CSMD2: variants seen among roughly 807,000 people sequenced by gnomAD.
CSMD2 encodes the protein CUB and Sushi multiple domains 2.
CSMD2 carries 130 observed loss-of-function variants against 398.5 expected under a neutral mutation model. That is an observed-to-expected ratio of 0.33 (90% confidence interval 0.28 to 0.38). CSMD2 has a LOEUF of 0.38. Ranked by LOEUF, CSMD2 falls within the 10% of genes least tolerant of loss-of-function variation. The pLI is 1.00. For missense variants in CSMD2, 3,829 were observed against 4,764.9 expected (o/e 0.80, Z 5.78); for synonymous variants, 1,828 against 1,908.5 (o/e 0.96, Z 1.10).
chr1:34,095,518 C>T (rs1239362321), intron 1 of CSMD2, among the ~76,000 whole-genome samples: 1 of 151,408 alleles, frequency 6.6e-6, no homozygotes, highest in Non-Finnish European at 1.5e-5. Flanking sequence ...GCTAGCAAGA[C>T]TAATAAAGAA....
chr1:33,872,210 G>GATGTCCAAGCAAAGTGT (rs1205742775), intron 5 of CSMD2, among the ~76,000 whole-genome samples: 4 of 152,158 alleles, frequency 2.6e-5, no homozygotes, highest in African/African-American at 9.7e-5. Context: ...TAGCTATGGA[G>GATGTCCAAGCAAAGTGT]ATGTCCAAGC....
Position 33,633,348 on chromosome 1 carries a change from A to C in CSMD2, c.5200+74T>G, listed in dbSNP as rs570812569. On this transcript the variant is annotated intron_variant, in intron 32 of 70. Transcript: ENST00000373381. This position sits in a 1 kb window ranked among gnomAD's most constrained non-coding sequence, Gnocchi z 5.0. Reference sequence around the variant, plus strand: ...CCACCTGCGGCCATGGGGTGCTTCTAGAGCCTCCTTCCTTTAGCCGGACGT... The same window carrying C: ...CCACCTGCGGCCATGGGGTGCTTCTCGAGCCTCCTTCCTTTAGCCGGACGT... The C allele has an allele frequency of 3.5e-6, 4 of 1,146,024 alleles. No homozygotes were observed. The highest frequency in any genetic ancestry group is 2.7e-5 in the South Asian group (2 of 75,138). 71.0% of individuals were successfully genotyped at this position (1,146,024 alleles called of 1,614,324 possible). A position where few individuals can be genotyped will look rare whatever the true frequency, so the allele number is the denominator to read the frequency against.
At chr1:33,701,270 G>A (rs1171920972) in intron 22 of CSMD2, among the ~76,000 whole-genome samples, 1 of 152,126 alleles carries the variant, frequency 6.6e-6, no homozygotes, top group Non-Finnish European at 1.5e-5. Flanking sequence ...CCTAAAATGA[G>A]GGCTCCAGCT....
chr1:33,955,625 A>G (rs144519801), intron 3 of CSMD2, among the ~76,000 whole-genome samples: 240 of 152,270 alleles, frequency 1.6e-3, no homozygotes, highest in Admixed American at 2.9e-3. Flanking sequence ...AATGTAGAAT[A>G]ATGAAAGTAC....
At chr1:33,701,144 C>T (rs1645599315) in intron 22 of CSMD2, among the ~76,000 whole-genome samples, 1 of 152,182 alleles carries the variant, frequency 6.6e-6, no homozygotes, top group African/African-American at 2.4e-5. Flanking sequence ...CCTGATCCCA[C>T]CCCACTGTGG....
intron 24 of CSMD2, among the ~76,000 whole-genome samples, chr1:33,698,520 G>A (rs993308825): frequency 2.0e-5 from 3 of 152,168 alleles, no homozygotes; most frequent in Non-Finnish European, 4.4e-5. Flanking sequence ...CTAAATGTGC[G>A]ACAAAGGCAA....
In CSMD2 at chr1:33,640,582, T is replaced by C. The variant is rs576497917; in HGVS notation, c.4775-4028A>G. ...GACCATCTGGAGTAAAAATACTTAC[T>C]CTCTGGCCCTTTCCAGAAAAAGTTT... is the stretch of plus-strand genomic sequence containing the variant. On this transcript the variant is annotated intron_variant, in intron 29 of 70. Transcript: ENST00000373381. 2.0e-5 allele frequency among the ~76,000 whole-genome samples: 3 copies of C among 152,330 alleles called. No homozygotes were observed. The East Asian group carries it at 5.8e-4, about 29-fold the overall frequency.
chr1:33,611,889 T>C (rs996063226), intron 40 of CSMD2, among the ~76,000 whole-genome samples: 1 of 152,212 alleles, frequency 6.6e-6, no homozygotes, highest in African/African-American at 2.4e-5. Context: ...TGTTTACTGA[T>C]AAGATTTTTC....
At chr1:33,592,120 G>A in intron 44 of CSMD2, 1 of 444,920 alleles carries the variant, frequency 2.2e-6, no homozygotes, top group South Asian at 2.2e-5. Context: ...AGAGAAGAGA[G>A]AACCCAAGGG....
intron 1 of CSMD2, among the ~76,000 whole-genome samples, chr1:34,137,179 C>A (rs535649703): frequency 1.3e-5 from 2 of 152,218 alleles, no homozygotes; most frequent in South Asian, 4.1e-4. Flanking sequence ...CCATCCCATC[C>A]ATCCGTCCAC....
chr1:33,926,721 AC>A (rs1382469544), intron 4 of CSMD2, among the ~76,000 whole-genome samples: 1 of 152,218 alleles, frequency 6.6e-6, no homozygotes, highest in Non-Finnish European at 1.5e-5. Context: ...ATTTTGCACC[AC>A]CATTAAGTCA....
chr1:33,535,441 G>T (rs771910011), intron 62 of CSMD2, among the ~76,000 whole-genome samples: 9 of 152,278 alleles, frequency 5.9e-5, no homozygotes, highest in Non-Finnish European at 1.0e-4. Context: ...TGCCACCTTT[G>T]TCACTTGATA....
chr1:33,993,066 T>G (rs1646613414), intron 3 of CSMD2, among the ~76,000 whole-genome samples: 1 of 152,184 alleles, frequency 6.6e-6, no homozygotes, highest in Non-Finnish European at 1.5e-5. Flanking sequence ...TGTATATGTG[T>G]ATTGTGTGCA....
At chr1:33,804,652 A>G in intron 10 of CSMD2, 2 of 714,414 alleles carry the variant, frequency 2.8e-6, no homozygotes, top group South Asian at 1.5e-5. Flanking sequence ...CTCATCTCAT[A>G]AAACATACTG....
chr1:34,067,695 T>C (rs1310634030), intron 2 of CSMD2, among the ~76,000 whole-genome samples: 1 of 152,186 alleles, frequency 6.6e-6, no homozygotes, highest in Non-Finnish European at 1.5e-5. Context: ...CCAGAGCAGT[T>C]TGTCAACCTT....
At chr1:34,156,221 C>T (rs12403338) in intron 1 of CSMD2, among the ~76,000 whole-genome samples, 3,689 of 152,300 alleles carry the variant, frequency 0.024, 49 homozygotes, top group Non-Finnish European at 0.036. Context: ...TCACCAAGTC[C>T]CACCCAATCA....
intron 14 of CSMD2, 54 bp downstream of exon 14, chr1:33,743,226 C>A: frequency 6.7e-7 from 1 of 1,481,558 alleles, no homozygotes; most frequent in South Asian, 1.3e-5. Flanking sequence ...TTCGATCATC[C>A]TCAGAGGCAG....
rs1452465587 is a variant in CSMD2 at position 33,519,694 on chromosome 1, A to G, written c.10737-17T>C. On this transcript the variant is annotated splice_polypyrimidine_tract_variant and intron_variant, in intron 69 of 70. Transcript: ENST00000373381. The surrounding 1 kb of genome is among the most constrained non-coding windows in gnomAD (Gnocchi z 5.6). ...GGTCTTCTCCTGGCGATAAAAGAGG[A>G]AGTGCCCACGGCATGAAAAGAGCGA... The G allele has an allele frequency of 6.2e-7, 1 of 1,613,790 alleles. No homozygotes were observed.
At chr1:33,557,409 T>C (rs755795832) in intron 55 of CSMD2, among the ~76,000 whole-genome samples, 1 of 152,118 alleles carries the variant, frequency 6.6e-6, no homozygotes, top group Admixed American at 6.5e-5. Context: ...TGGGAGATGA[T>C]GTCCCGCGAG....
Sources: allele counts gnomAD v4.1 joint callset (sites outside exome capture counted in the v4.1 genomes callset), GRCh38; gene constraint gnomAD v4.1.1; non-coding constraint Gnocchi (gnomAD v3.1); transcripts MANE v1.5; gene names NCBI Gene and HGNC (gene_info 2026-07-23, HGNC 2026-07-21).